Variants in DNAH10 observed in about 807,000 individuals in gnomAD.
The protein encoded by DNAH10 is axonemal beta dynein heavy chain 10.
DNAH10 carries 348 observed loss-of-function variants against 506.6 expected under a neutral mutation model. That is an observed-to-expected ratio of 0.69 (90% confidence interval 0.63 to 0.75). The LOEUF is 0.75. Among genes scored for constraint, DNAH10 ranks in the 30% least tolerant of loss-of-function variants. The pLI is 0.00. For synonymous variants in DNAH10, 2,059 were observed against 2,198.6 expected, an observed-to-expected ratio of 0.94 and a Z score of 1.78; for missense variants, 5,179 against 5,787.1, an observed-to-expected ratio of 0.89 and a Z score of 3.41.
intron 65 of DNAH10, among the ~76,000 whole-genome samples, chr12:123,921,214 C>T (rs74579643): frequency 0.038 from 5,801 of 152,252 alleles, 348 homozygotes; most frequent in African/African-American, 0.12. Context: ...TCTCATGAGA[C>T]TTTAGGATTC....
At chr12:123,900,455 C>T (rs1953468290) in intron 56 of DNAH10, among the ~76,000 whole-genome samples, 1 of 152,148 alleles carries the variant, frequency 6.6e-6, no homozygotes, top group Admixed American at 6.5e-5. Flanking sequence ...CAAGAGAGCC[C>T]CTCCCCCGGT....
chr12:123,887,291 C>G lies in DNAH10; in HGVS notation c.8973C>G (p.Leu2991=). 1 of 1,613,778 alleles carries G rather than the reference C, an allele frequency of 6.2e-7. No homozygotes were observed. The highest frequency in any genetic ancestry group is 8.5e-7 in the Non-Finnish European group (1 of 1,179,820). ...TGGCTGAGGAGGGCTTCCTGGAGCT[C>G]ATCAACAACATGCTGACCTCAGGTA... ...AHVAEEGFLE[L]INNMLTSGIV... Residue 2991 remains leucine (L), a synonymous_variant, in exon 52 of 79, where the codon CTC becomes CTG. Coordinates refer to ENST00000673944, the MANE Select transcript of DNAH10 (RefSeq NM_001372106.1).
intron 26 of DNAH10, among the ~76,000 whole-genome samples, chr12:123,832,198 A>AAT (rs1251863459): frequency 6.6e-6 from 1 of 152,194 alleles, no homozygotes. Context: ...ACGTACACAT[A>AAT]ATATATATAC....
intron 23 of DNAH10, among the ~76,000 whole-genome samples, chr12:123,819,513 A>T (rs1403403247): frequency 2.6e-5 from 4 of 151,528 alleles, no homozygotes; most frequent in Non-Finnish European, 4.4e-5. Context: ...CCTGTGGGGG[A>T]TACAGAGGTT....
rs1235971540 is a variant in DNAH10 at position 123,853,928 on chromosome 12, G to GCACACGCACACGCACA, written c.6438+582_6438+597dup. Among the ~76,000 whole-genome samples the GCACACGCACACGCACA allele has an allele frequency of 6.8e-6, 1 of 147,162 alleles. No individual in the cohort carries two copies. Among genetic ancestry groups the GCACACGCACACGCACA allele is most frequent in the African/African-American group, 2.5e-5 (1 of 39,778 alleles). ...CACATGTACACATACGCACACGCAC[G>GCACACGCACACGCACA]CACACGCACACGCACACACACACAC... On this transcript the variant is annotated intron_variant, in intron 36 of 78. Transcript: ENST00000673944. The surrounding 1 kb of genome is among the most constrained non-coding windows in gnomAD (Gnocchi z 4.7).
intron 61 of DNAH10, 71 bp downstream of exon 61, chr12:123,914,621 T>TG: frequency 1.3e-6 from 2 of 1,507,676 alleles, no homozygotes; most frequent in East Asian, 2.3e-5. Context: ...GGTGTCACCC[T>TG]GGGGGGAGGC....
At chr12:123,840,284 A>G (rs1388333100) in intron 29 of DNAH10, among the ~76,000 whole-genome samples, 1 of 150,222 alleles carries the variant, frequency 6.7e-6, no homozygotes, top group Non-Finnish European at 1.5e-5. Flanking sequence ...GCTTTCTCCT[A>G]TTACTTTCCC....
At chr12:123,896,241 T>C (rs1449098469) in intron 54 of DNAH10, among the ~76,000 whole-genome samples, 1 of 151,830 alleles carries the variant, frequency 6.6e-6, no homozygotes, top group Non-Finnish European at 1.5e-5. Context: ...GGCACAGATA[T>C]TTGTGAGGCA....
At chr12:123,899,051 T>C (rs1204172518) in intron 56 of DNAH10, among the ~76,000 whole-genome samples, 2 of 152,186 alleles carry the variant, frequency 1.3e-5, no homozygotes, top group Non-Finnish European at 2.9e-5. Flanking sequence ...AGCTACCATA[T>C]GTAGGCCCCT....
intron 54 of DNAH10, 28 bp downstream of exon 54, chr12:123,894,751 A>G (rs761448266): frequency 6.3e-7 from 1 of 1,586,820 alleles, no homozygotes. Flanking sequence ...TGGGAACTGC[A>G]TTATTGATAA....
chr12:123,813,877 G>T lies in DNAH10; in HGVS notation c.3745G>T (p.Glu1249Ter). The T allele has an allele frequency of 6.2e-7, 1 of 1,608,686 alleles. No individual in the cohort carries two copies. The highest frequency in any genetic ancestry group is 8.5e-7 in the Non-Finnish European group (1 of 1,178,816). ...GGAACTCAGATATAGGGACGTCCAG[G>T]AGCGATACCGTACCATGGCAATGTA... ...VMELRYRDVQ[E>*]RYRTMAMYNL... The change falls in exon 21 of 79, where the codon GAG becomes TAG. Residue 1249 changes from glutamate (E) to a stop codon, truncating the protein, a stop_gained. Transcript: ENST00000673944. LOFTEE classifies it high-confidence loss of function.
chr12:123,813,373 G>A lies in DNAH10; in HGVS notation c.3354G>A (p.Trp1118Ter). 6.2e-7 allele frequency: 1 copy of A among 1,614,228 alleles called. No individual in the cohort carries two copies. Among genetic ancestry groups the A allele is most frequent in the East Asian group, 2.2e-5 (1 of 44,890 alleles). The stretch of plus-strand genomic sequence containing the variant: ...AATGGAAGCGGTATCGACCTCTCTG[G>A]AAATTGGACAAAGCTATTGTGATGG... The part of the protein sequence containing the change: ...LQKWKRYRPL[W>*]KLDKAIVMEK... The change falls in exon 20 of 79, where the codon TGG (tryptophan) becomes TGA (stop). Residue 1118 changes from tryptophan to a stop codon, truncating the protein, a stop_gained. Transcript: ENST00000673944. LOFTEE classifies it high-confidence loss of function.
At chr12:123,832,949 A>G (rs371868552) in intron 26 of DNAH10, among the ~76,000 whole-genome samples, 165 bp from the exon 27 acceptor site, 7 of 152,172 alleles carry the variant, frequency 4.6e-5, no homozygotes, top group African/African-American at 1.7e-4. Flanking sequence ...CGAATGCTTG[A>G]TAAGTGGCAA....
chr12:123,788,611 C>T (rs745851485), intron 10 of DNAH10, among the ~76,000 whole-genome samples: 22 of 151,654 alleles, frequency 1.5e-4, no homozygotes, highest in Non-Finnish European at 2.5e-4. Flanking sequence ...TGCTCAAAGA[C>T]AGGAAAAAAA....
intron 16 of DNAH10, 87 bp downstream of exon 16, chr12:123,801,519 T>C: frequency 6.7e-7 from 1 of 1,500,742 alleles, no homozygotes; most frequent in Non-Finnish European, 9.0e-7. Context: ...ACCATTTTCA[T>C]ATGTTTATAG....
rs373979430 is a variant in DNAH10, at chr12:123,781,172, A to C, written c.714A>C (p.Glu238Asp). 2.5e-5 allele frequency: 41 copies of C among 1,614,154 alleles called. No individual in the cohort carries two copies. Among genetic ancestry groups the C allele is most frequent in the Non-Finnish European group, 3.5e-5 (41 of 1,180,024 alleles). Residue 238 changes from glutamate (E) to aspartate (D), a missense_variant, in exon 6 of 79, where the codon GAA (glutamate) becomes GAC (aspartate). Coordinates refer to ENST00000673944, the MANE Select transcript of DNAH10 (RefSeq NM_001372106.1). ...SGEVSNSSEH[E>D]SDLPPMPGEA... ...AAGTCTCTAATTCCTCTGAGCATGA[A>C]TCAGACCTGCCGCCCATGCCTGGGG...
rs1213968331 is a variant in DNAH10 at position 123,859,194 on chromosome 12, C to G, written c.6675C>G (p.His2225Gln). 6.2e-7 allele frequency: 1 copy of G among 1,612,156 alleles called. No individual in the cohort carries two copies. Among genetic ancestry groups the G allele is most frequent in the Non-Finnish European group, 8.5e-7 (1 of 1,179,378 alleles). ...TGTTCGAGACCATGTTAACCCGCCA[C>G]ACGACGATGGTGGTGGGGCCCACCA... The part of the protein sequence containing the change: ...VQMFETMLTR[H>Q]TTMVVGPTRG... The change falls in exon 38 of 79, where the codon CAC (histidine) becomes CAG (glutamine). Residue 2225 changes from histidine (H) to glutamine (Q), a missense_variant. Transcript: ENST00000673944.
rs1009188321 is a variant in DNAH10 at position 123,803,889 on chromosome 12, C to T, written c.2779+64C>T. 2.1e-5 allele frequency: 30 copies of T among 1,438,634 alleles called. No homozygotes were observed. In the African/African-American group the frequency reaches 4.2e-4, roughly 20 times the overall value. 89.1% of individuals were successfully genotyped at this position (1,438,634 alleles called of 1,614,324 possible). On this transcript the variant is annotated intron_variant, in intron 17 of 78. Coordinates refer to ENST00000673944, the MANE Select transcript of DNAH10 (RefSeq NM_001372106.1). The stretch of plus-strand genomic sequence containing the variant: ...TGAGAACATATATTGTATATACATA[C>T]ATGTGTATATATGTACCTATAAATA...
Position 123,783,875 on chromosome 12 carries a change from T to C in DNAH10, c.1000-72T>C, listed in dbSNP as rs1957754118. 2.9e-6 allele frequency: 4 copies of C among 1,401,902 alleles called. No individual in the cohort carries two copies. In the East Asian group the frequency reaches 9.5e-5, roughly 33 times the overall value. 86.8% of individuals were successfully genotyped at this position (1,401,902 alleles called of 1,614,324 possible). A position where few individuals can be genotyped will look rare whatever the true frequency, so the allele number is the denominator to read the frequency against. ...GCAGTTGGACAGAAAGAACGGATGC[T>C]GGAGAAACCACCATAAGTGTCTGCT... On this transcript the variant is annotated intron_variant, in intron 7 of 78. Coordinates refer to ENST00000673944, the MANE Select transcript of DNAH10 (RefSeq NM_001372106.1).
Sources: gnomAD v4.1 joint callset for allele counts (sites outside exome capture counted in the v4.1 genomes callset) on GRCh38, gnomAD v4.1.1 for gene constraint, Gnocchi (gnomAD v3.1) non-coding constraint, MANE v1.5 for transcripts, NCBI Gene and HGNC (gene_info 2026-07-23, HGNC 2026-07-21) for gene names.